GRIK1: variants seen among roughly 807,000 people sequenced by gnomAD.
GRIK1 encodes the protein glutamate receptor ionotropic, kainate 1.
GRIK1 carries 69 observed loss-of-function variants against 105.7 expected under a neutral mutation model. The observed-to-expected ratio is 0.65, with a 90% CI of 0.54 to 0.80. The LOEUF is 0.80. Ranked by LOEUF, GRIK1 falls within the 30% of genes least tolerant of loss-of-function variation. GRIK1 has a pLI of 0.00. For synonymous variants in GRIK1, 438 were observed against 431.3 expected, an observed-to-expected ratio of 1.02 and a Z score of -0.19; for missense variants, 1,109 against 1,167.3, an observed-to-expected ratio of 0.95 and a Z score of 0.73.
chr21:29,877,634 A>T (rs970639505), intron 1 of GRIK1, among the ~76,000 whole-genome samples: 4 of 152,212 alleles, frequency 2.6e-5, no homozygotes, highest in Non-Finnish European at 5.9e-5. Context: ...TAGCAGATAT[A>T]ACCCCTATTA....
intron 1 of GRIK1, among the ~76,000 whole-genome samples, chr21:29,712,698 C>T (rs2064085873): frequency 6.6e-6 from 1 of 152,078 alleles, no homozygotes; most frequent in African/African-American, 2.4e-5. Flanking sequence ...AAGTCTTTGC[C>T]TTGCCCATTT....
chr21:29,867,810 A>G (rs1413677319), intron 1 of GRIK1, among the ~76,000 whole-genome samples: 6 of 149,860 alleles, frequency 4.0e-5, no homozygotes, highest in Middle Eastern at 6.8e-3. Flanking sequence ...GAAAGAAAGA[A>G]AGAAAGAATG....
intron 1 of GRIK1, among the ~76,000 whole-genome samples, chr21:29,742,448 T>G (rs181954034): frequency 6.6e-6 from 1 of 152,238 alleles, no homozygotes; most frequent in Non-Finnish European, 1.5e-5. Flanking sequence ...TGTATATTAC[T>G]GAGTCACTCA....
At chr21:29,727,643 G>A (rs1343435484) in intron 1 of GRIK1, among the ~76,000 whole-genome samples, 1 of 152,208 alleles carries the variant, frequency 6.6e-6, no homozygotes, top group Non-Finnish European at 1.5e-5. Context: ...TCTCTTGTAA[G>A]AGGCTTGAAG....
At chr21:29,551,890 A>G (rs2090142078) in intron 16 of GRIK1, among the ~76,000 whole-genome samples, 1 of 152,154 alleles carries the variant, frequency 6.6e-6, no homozygotes, top group Non-Finnish European at 1.5e-5. Flanking sequence ...TATTCATCCC[A>G]ACATCTGATT....
intron 1 of GRIK1, among the ~76,000 whole-genome samples, chr21:29,721,285 C>A (rs1421610832): frequency 6.6e-6 from 1 of 152,072 alleles, no homozygotes; most frequent in Non-Finnish European, 1.5e-5. Context: ...GAAGGTTTTC[C>A]CTTTTCTACA....
chr21:29,593,126 A>G (rs912577543), intron 9 of GRIK1, among the ~76,000 whole-genome samples: 1 of 152,214 alleles, frequency 6.6e-6, no homozygotes, highest in Non-Finnish European at 1.5e-5. Flanking sequence ...ATCAGTGTGA[A>G]CTATTTTAAT....
intron 1 of GRIK1, among the ~76,000 whole-genome samples, chr21:29,773,647 C>G (rs1601658308): frequency 6.6e-6 from 1 of 152,102 alleles, no homozygotes; most frequent in East Asian, 1.9e-4. Flanking sequence ...GCATAACAAC[C>G]TCTCGTACAC....
In GRIK1 at chr21:29,775,643, G is replaced by T. The variant is rs150975708; in HGVS notation, c.119-81580C>A. Among the ~76,000 whole-genome samples the T allele has an allele frequency of 3.6e-4, 55 of 152,276 alleles. 1 individual carries two copies. In the East Asian group the frequency reaches 0.01, roughly 29 times the overall value. On this transcript the variant is annotated intron_variant, in intron 1 of 17. Transcript: ENST00000327783. ...GCCAGGTCTCCTGACTCTGCTCCAT[G>T]GTGAGCCCTTTCCAACTGTGTGCTA...
intron 1 of GRIK1, among the ~76,000 whole-genome samples, chr21:29,889,204 A>G (rs1003709902): frequency 1.3e-5 from 2 of 152,340 alleles, no homozygotes; most frequent in East Asian, 3.9e-4. Flanking sequence ...AAATGCATGG[A>G]CAAGGTAATA....
intron 1 of GRIK1, among the ~76,000 whole-genome samples, chr21:29,903,870 A>T (rs1464991154): frequency 2.6e-5 from 4 of 152,260 alleles, no homozygotes; most frequent in Non-Finnish European, 4.4e-5. Flanking sequence ...ACTTGGAACC[A>T]ACCCAAATGT....
chr21:29,917,971 A>T (rs1426227056), intron 1 of GRIK1, among the ~76,000 whole-genome samples: 1 of 152,008 alleles, frequency 6.6e-6, no homozygotes, highest in Non-Finnish European at 1.5e-5. Flanking sequence ...TGACTAAGAG[A>T]TTATTTTTAA....
chr21:29,542,575 T>C (rs75061795), intron 16 of GRIK1, among the ~76,000 whole-genome samples: 3,058 of 152,322 alleles, frequency 0.02, 101 homozygotes, highest in African/African-American at 0.069. Flanking sequence ...GTTTGCAGTA[T>C]TCAAAAAACT....
intron 1 of GRIK1, among the ~76,000 whole-genome samples, chr21:29,749,704 T>C (rs2065134609): frequency 6.6e-6 from 1 of 152,166 alleles, no homozygotes; most frequent in Non-Finnish European, 1.5e-5. Flanking sequence ...AGCAAAAACA[T>C]GCAACTTGAT....
At chr21:29,847,572 G>A (rs1475348140) in intron 1 of GRIK1, among the ~76,000 whole-genome samples, 1 of 152,094 alleles carries the variant, frequency 6.6e-6, no homozygotes, top group Non-Finnish European at 1.5e-5. Flanking sequence ...CCAGCAACAG[G>A]GTGAGACTCT....
At chr21:29,713,993 C>T (rs1242048077) in intron 1 of GRIK1, among the ~76,000 whole-genome samples, 9 of 152,036 alleles carry the variant, frequency 5.9e-5, no homozygotes, top group Non-Finnish European at 1.2e-4. Context: ...ATGAGGTGAT[C>T]AATTAATGTT....
At chr21:29,912,415 A>G in intron 1 of GRIK1, among the ~76,000 whole-genome samples, 1 of 152,074 alleles carries the variant, frequency 6.6e-6, no homozygotes, top group Non-Finnish European at 1.5e-5. Flanking sequence ...CCCTACACAG[A>G]AACATTCCAA....
intron 1 of GRIK1, among the ~76,000 whole-genome samples, chr21:29,873,274 T>G (rs1412468239): frequency 1.3e-5 from 2 of 152,226 alleles, no homozygotes; most frequent in South Asian, 4.1e-4. Context: ...TTCCAAAAGC[T>G]TTTGCACATC....
chr21:29,701,327 T>A (rs952065574), intron 1 of GRIK1, among the ~76,000 whole-genome samples: 2 of 152,136 alleles, frequency 1.3e-5, no homozygotes, highest in Admixed American at 6.5e-5. Flanking sequence ...GGAGGGCACT[T>A]TTGAGCAAAA....
Sources: gnomAD v4.1 joint callset for allele counts (sites outside exome capture counted in the v4.1 genomes callset) on GRCh38, gnomAD v4.1.1 for gene constraint, MANE v1.5 for transcripts, NCBI Gene and HGNC (gene_info 2026-07-23, HGNC 2026-07-21) for gene names.